The following MAPK10 variants were observed in gnomAD, a reference collection of about 807,000 sequenced individuals.
MAPK10 encodes the protein mitogen-activated protein kinase 10.
Under a neutral mutation model 59.3 loss-of-function variants are expected in MAPK10, and 25 were observed. That is an observed-to-expected ratio of 0.42 (90% CI 0.31 to 0.59). The LOEUF is 0.59. MAPK10 is among the 20% of genes least tolerant of loss of function. The pLI, the probability that MAPK10 is intolerant of heterozygous loss-of-function variation, is 0.15. For synonymous variants in MAPK10, 190 were observed against 200.5 expected (o/e 0.95, Z 0.44); for missense variants, 351 against 568.9 (o/e 0.62, Z 3.90).
intron 2 of MAPK10, among the ~76,000 whole-genome samples, chr4:86,338,294 C>A (rs1041241553): frequency 6.6e-6 from 1 of 152,222 alleles, no homozygotes; most frequent in East Asian, 1.9e-4. Context: ...GGCTCTAGCC[C>A]TGAGCTGAAT....
At position 86,109,670 on chromosome 4, in the gene MAPK10, A is replaced by G. The variant is rs141052861; in HGVS notation, c.237-2318T>C. ...TTTGGGTTGATTCCATGTCTTTGCT[A>G]TCGTGCATAGCGCTGCAATGGACAT... On this transcript the variant is annotated intron_variant, in intron 4 of 13. Coordinates refer to ENST00000641462, the MANE Select transcript of MAPK10 (RefSeq NM_138982.4). Among the ~76,000 whole-genome samples the G allele has an allele frequency of 4.6e-5, 7 of 152,304 alleles. No individual in the cohort carries two copies. The East Asian group carries it at 1.4e-3, about 29-fold the overall frequency.
At chr4:86,234,192 CA>C (rs1001324236) in intron 2 of MAPK10, among the ~76,000 whole-genome samples, 1 of 151,570 alleles carries the variant, frequency 6.6e-6, no homozygotes, top group South Asian at 2.1e-4. Context: ...ACAATAACAA[CA>C]AAAAAATCTC....
intron 9 of MAPK10, among the ~76,000 whole-genome samples, chr4:86,087,028 G>C (rs917446863): frequency 1.3e-5 from 2 of 152,040 alleles, no homozygotes; most frequent in Non-Finnish European, 2.9e-5. Context: ...AATATCAAGG[G>C]CTTTGAACAG....
chr4:86,150,073 G>A (rs1397762697), intron 4 of MAPK10, among the ~76,000 whole-genome samples: 7 of 152,182 alleles, frequency 4.6e-5, no homozygotes, highest in African/African-American at 1.7e-4. Context: ...TGACTGATGG[G>A]TAGATAAAGA....
intron 1 of MAPK10, among the ~76,000 whole-genome samples, chr4:86,531,276 C>A (rs1480793878): frequency 6.6e-6 from 1 of 152,204 alleles, no homozygotes; most frequent in East Asian, 1.9e-4. Flanking sequence ...GAGCCTATTA[C>A]ATTACAATCA....
chr4:86,167,670 C>T (rs1005147274), intron 3 of MAPK10, among the ~76,000 whole-genome samples: 13 of 152,160 alleles, frequency 8.5e-5, no homozygotes, highest in African/African-American at 3.1e-4. Context: ...TTCAACATCC[C>T]TTCATGTTAA....
intron 2 of MAPK10, among the ~76,000 whole-genome samples, chr4:86,226,802 T>TCACTATG (rs1344999675): frequency 6.6e-6 from 1 of 152,168 alleles, no homozygotes; most frequent in Non-Finnish European, 1.5e-5. Context: ...CAAGCAGGTC[T>TCACTATG]GAAAGCCATT....
At chr4:86,067,655 T>G in intron 10 of MAPK10, 118 bp downstream of exon 10, 5 of 842,792 alleles carry the variant, frequency 5.9e-6, no homozygotes, top group African/African-American at 1.7e-5. Flanking sequence ...TGTACGATTA[T>G]CATGTGTCAA....
intron 1 of MAPK10, among the ~76,000 whole-genome samples, chr4:86,567,269 G>A (rs887652525): frequency 6.7e-6 from 1 of 150,360 alleles, no homozygotes; most frequent in Admixed American, 6.6e-5. Context: ...TGCCCAGGCT[G>A]GAGTACAGTG....
intron 1 of MAPK10, among the ~76,000 whole-genome samples, chr4:86,578,944 A>G (rs1578168617): frequency 6.6e-6 from 1 of 152,206 alleles, no homozygotes; most frequent in Admixed American, 6.5e-5. Context: ...GGAACAGTGA[A>G]GTTGTTCAAG....
At chr4:86,244,544 T>C (rs1379060741) in intron 2 of MAPK10, among the ~76,000 whole-genome samples, 2 of 152,198 alleles carry the variant, frequency 1.3e-5, no homozygotes, top group Non-Finnish European at 2.9e-5. Flanking sequence ...TCAAAACAGT[T>C]CTTAATAATA....
chr4:86,126,462 T>G (rs2060096501), intron 4 of MAPK10, among the ~76,000 whole-genome samples: 1 of 152,092 alleles, frequency 6.6e-6, no homozygotes. Flanking sequence ...CCCTACATGT[T>G]TGTTGCATGA....
chr4:86,063,006 C>T (rs2046013522), intron 11 of MAPK10, among the ~76,000 whole-genome samples: 1 of 152,148 alleles, frequency 6.6e-6, no homozygotes. Context: ...GAAATCTCAA[C>T]ATCATTGTAA....
In MAPK10 at chr4:86,494,359, C is replaced by T. The variant is rs115313053; in HGVS notation, c.-263+99551G>A. ...GGGAAACTCTAGGTAAACAATGCAA[C>T]ACTCAGCCTCCTTGGAACAGGAGGG... is the stretch of plus-strand genomic sequence containing the variant. On this transcript the variant is annotated intron_variant, in intron 1 of 4. Transcript: ENST00000502302. Among the ~76,000 whole-genome samples the T allele has an allele frequency of 6.6e-4, 101 of 152,326 alleles. 1 individual carries two copies. Among genetic ancestry groups the T allele is most frequent in the African/African-American group, 2.3e-3 (97 of 41,582 alleles).
chr4:86,042,090 G>A (rs572340974), intron 11 of MAPK10, among the ~76,000 whole-genome samples: 1 of 152,292 alleles, frequency 6.6e-6, no homozygotes, highest in African/African-American at 2.4e-5. Flanking sequence ...TGATAGACTG[G>A]ATAAAGAAAA....
chr4:86,542,588 T>C (rs1218335018), intron 1 of MAPK10: 1 of 154,260 alleles, frequency 6.5e-6, no homozygotes, highest in Non-Finnish European at 1.5e-5. Context: ...CACTCTAGCC[T>C]GGGCAACGTG....
intron 3 of MAPK10, among the ~76,000 whole-genome samples, chr4:86,162,923 G>A (rs903412813): frequency 1.1e-4 from 17 of 152,054 alleles, no homozygotes; most frequent in Admixed American, 1.3e-4. Flanking sequence ...ACAAGTCATT[G>A]GCATAACATT....
intron 1 of MAPK10, among the ~76,000 whole-genome samples, chr4:86,519,745 G>A (rs927679895): frequency 7.2e-5 from 11 of 151,978 alleles, no homozygotes; most frequent in Non-Finnish European, 1.6e-4. Context: ...TTCCATTTTG[G>A]GGTATTTTGA....
intron 2 of MAPK10, among the ~76,000 whole-genome samples, chr4:86,309,305 G>A (rs112944568): frequency 9.9e-5 from 15 of 152,162 alleles, no homozygotes; most frequent in Admixed American, 3.9e-4. Flanking sequence ...CCTTTCCATC[G>A]CTGGGGCAGG....
Sources: gnomAD v4.1 joint callset for allele counts (sites outside exome capture counted in the v4.1 genomes callset) on GRCh38, gnomAD v4.1.1 for gene constraint, MANE v1.5 for transcripts, NCBI Gene and HGNC (gene_info 2026-07-23, HGNC 2026-07-21) for gene names.